The following SZT2 variants were observed in gnomAD, a reference collection of about 807,000 sequenced individuals.
SZT2 encodes SZT2 subunit of KICSTOR complex.
Under a neutral mutation model 404.2 loss-of-function variants are expected in SZT2, and 216 were observed. The observed-to-expected ratio is 0.53, with a 90% CI of 0.48 to 0.60. The LOEUF (loss-of-function observed/expected upper bound fraction) is 0.60, where lower values mean the gene tolerates loss of function less well. Ranked by LOEUF, SZT2 falls within the 20% of genes least tolerant of loss-of-function variation. The pLI, the probability that SZT2 is intolerant of heterozygous loss-of-function variation, is 0.00. For synonymous variants in SZT2, 1,693 were observed against 1,749.9 expected (o/e 0.97, Z 0.81); for missense variants, 3,857 against 4,459.2 (o/e 0.86, Z 3.85).
At position 43,420,680 on chromosome 1, in the gene SZT2, A is replaced by G; in HGVS notation, c.1262-69A>G. On this transcript the variant is annotated intron_variant, in intron 9 of 71. Coordinates refer to ENST00000634258, the MANE Select transcript of SZT2 (RefSeq NM_001365999.1). This position sits in a 1 kb window ranked among gnomAD's most constrained non-coding sequence, Gnocchi z 5.1. The stretch of plus-strand genomic sequence containing the variant: ...GTTCCATGAGGTAGGTGGGGGTTTC[A>G]GATAGAACTCGATCCCAGGCCTAGA... The G allele has an allele frequency of 6.9e-7, 1 of 1,449,144 alleles. No homozygotes were observed. Among genetic ancestry groups the G allele is most frequent in the Admixed American group, 1.8e-5 (1 of 55,164 alleles). 89.8% of individuals were successfully genotyped at this position (1,449,144 alleles called of 1,614,324 possible).
rs1361316609 is a variant in SZT2, at chr1:43,447,560, C to T, written c.9302C>T (p.Pro3101Leu). 2.5e-6 allele frequency: 4 copies of T among 1,613,956 alleles called. No individual in the cohort carries two copies. The highest frequency in any genetic ancestry group is 3.4e-6 in the Non-Finnish European group (4 of 1,180,012). Residue 3101 changes from proline to leucine, a missense_variant, in exon 67 of 72, where the codon CCC becomes CTC. Transcript: ENST00000634258. Reference sequence around the variant, plus strand: ...TATCCCTCAGGGACATTGGAGCTCCCCACACCACTCATTGCTGCCCACCAG... The same window carrying T: ...TATCCCTCAGGGACATTGGAGCTCCTCACACCACTCATTGCTGCCCACCAG... ...NHIYQGTLELPTPLIAAHQLY... is the reference protein window; with the variant it reads ...NHIYQGTLELLTPLIAAHQLY...
In SZT2 at chr1:43,452,786, T is replaced by G; in HGVS notation, c.*2306T>G. The G allele has an allele frequency of 9.2e-7, 1 of 1,087,526 alleles. No homozygotes were observed. The highest frequency in any genetic ancestry group is 1.3e-6 in the Non-Finnish European group (1 of 740,908). The allele number at this position is 1,087,526 out of a possible 1,614,324, so 67.4% of individuals were successfully genotyped here. On this transcript the variant is annotated 3_prime_UTR_variant, in exon 72 of 72. Coordinates refer to ENST00000634258, the MANE Select transcript of SZT2 (RefSeq NM_001365999.1). ...GAGCCTGTTTGGCCTCTGCAGGATT[T>G]GACATTTGAATCAGCCCCACTTTGA...
At chr1:43,406,259 T>A (rs1392623381) in intron 4 of SZT2, 2 of 331,540 alleles carry the variant, frequency 6.0e-6, no homozygotes, top group Non-Finnish European at 1.2e-5. Flanking sequence ...GGCTAATTTT[T>A]GTTTTTTTTG....
At chr1:43,422,655 A>ACCCCCCGC in intron 13 of SZT2, 23 bp downstream of exon 13, 1 of 1,095,026 alleles carries the variant, frequency 9.1e-7, no homozygotes, top group Non-Finnish European at 1.2e-6. Flanking sequence ...ATGTCCCTTC[A>ACCCCCCGC]CCCCCCGCCC....
At position 43,425,526 on chromosome 1, in the gene SZT2, T is replaced by C; in HGVS notation, c.2698T>C (p.Ser900Pro). The change falls in exon 19 of 72, where the codon TCA becomes CCA. Residue 900 changes from serine (S) to proline (P), a missense_variant. Ser to Pro is a moderately conservative substitution (Grantham distance 74). Coordinates refer to ENST00000634258, the MANE Select transcript of SZT2 (RefSeq NM_001365999.1). The surrounding 1 kb of genome is among the most constrained non-coding windows in gnomAD (Gnocchi z 4.3). ...GGAAGTGGAGGCCCTGGAGGGAGAC[T>C]CAGAGCTCAATCTGGTCACTGAGGT... ...DVEVEALEGDSELNLVTEVWV... is the reference protein window; with the variant it reads ...DVEVEALEGDPELNLVTEVWV... 1 of 1,614,162 alleles carries C rather than the reference T, an allele frequency of 6.2e-7. No homozygotes were observed. The highest frequency in any genetic ancestry group is 8.5e-7 in the Non-Finnish European group (1 of 1,180,020).
rs1251039151 is a variant in SZT2, at chr1:43,424,602, TTG to T, written c.2471+172_2471+173del. Among the ~76,000 whole-genome samples the T allele has an allele frequency of 6.6e-6, 1 of 152,158 alleles. No homozygotes were observed. ...GTCTCCTCCCATCACCCGATTTGTT[TTG>T]TCCTCTCTCATCCTCACTGGATTTG... On this transcript the variant is annotated intron_variant, in intron 16 of 71. Transcript: ENST00000634258. The surrounding 1 kb of genome is among the most constrained non-coding windows in gnomAD (Gnocchi z 4.1).
chr1:43,429,993 T>C lies in SZT2; in HGVS notation c.4309-18T>C. On this transcript the variant is annotated intron_variant, in intron 29 of 71. Coordinates refer to ENST00000634258, the MANE Select transcript of SZT2 (RefSeq NM_001365999.1). The stretch of plus-strand genomic sequence containing the variant: ...AGGGGTGACTGACATTCTAACCTCC[T>C]TCTAAACCCCACAACAGGAGAAGTT... The C allele has an allele frequency of 6.2e-7, 1 of 1,614,100 alleles. No homozygotes were observed. The highest frequency in any genetic ancestry group is 8.5e-7 in the Non-Finnish European group (1 of 1,179,998).
At position 43,421,306 on chromosome 1, in the gene SZT2, G is replaced by T; in HGVS notation, c.1626+3G>T. 3 of 1,598,306 alleles carry T rather than the reference G, an allele frequency of 1.9e-6. No homozygotes were observed. Among genetic ancestry groups the T allele is most frequent in the Non-Finnish European group, 2.5e-6 (3 of 1,179,682 alleles). ...TCCCTCCAGGCTCCACCACCCCGGTGAGTAGCTCTGAAGTATAGTAGCCCC... is the reference window on the plus strand; with the variant it reads ...TCCCTCCAGGCTCCACCACCCCGGTTAGTAGCTCTGAAGTATAGTAGCCCC... On this transcript the variant is annotated splice_donor_region_variant and intron_variant, in intron 11 of 71. Coordinates refer to ENST00000634258, the MANE Select transcript of SZT2 (RefSeq NM_001365999.1).
chr1:43,450,791 G>T lies in SZT2; in HGVS notation c.*311G>T. 1 of 709,992 alleles carries T rather than the reference G, an allele frequency of 1.4e-6. No homozygotes were observed. Among genetic ancestry groups the T allele is most frequent in the Non-Finnish European group, 2.6e-6 (1 of 383,528 alleles). 44.0% of individuals were successfully genotyped at this position (709,992 alleles called of 1,614,324 possible). A position where few individuals can be genotyped will look rare whatever the true frequency, so the allele number is the denominator to read the frequency against. Reference sequence around the variant, plus strand: ...GGTAGAGTCTCGGGAGTTCACACAGGGTGGCAAACACCCCCTAGAGCTCCT... The same window carrying T: ...GGTAGAGTCTCGGGAGTTCACACAGTGTGGCAAACACCCCCTAGAGCTCCT... On this transcript the variant is annotated 3_prime_UTR_variant, in exon 72 of 72. Transcript: ENST00000634258. The surrounding 1 kb of genome is among the most constrained non-coding windows in gnomAD (Gnocchi z 4.3).
intron 15 of SZT2, 40 bp downstream of exon 15, chr1:43,423,356 A>G (rs752985558): frequency 4.6e-6 from 7 of 1,506,496 alleles, no homozygotes; most frequent in Admixed American, 2.2e-5. Flanking sequence ...TTAGCAGGGT[A>G]TGAGTGGTAC....
Position 43,443,408 on chromosome 1 carries a change from A to G in SZT2, c.8556A>G (p.Thr2852=), listed in dbSNP as rs201027552. Residue 2852 remains threonine (T), a synonymous_variant, in exon 61 of 72, where the codon ACA becomes ACG. Transcript: ENST00000634258. ...CCCGCCTGGTGCATTACTGTGCAAC[A>G]GCCATGCTCTTCGACCCAGCTGCCT... ...QSSRLVHYCA[T]AMLFDPAAWL... is the part of the protein sequence containing the mutation. The G allele has an allele frequency of 1.2e-6, 2 of 1,614,206 alleles. No homozygotes were observed. The highest frequency in any genetic ancestry group is 3.3e-5 in the Admixed American group (2 of 60,026).
Position 43,453,428 on chromosome 1 carries a change from A to G in SZT2, c.*2948A>G. The G allele has an allele frequency of 6.4e-7, 1 of 1,562,134 alleles. No homozygotes were observed. The highest frequency in any genetic ancestry group is 1.4e-5 in the African/African-American group (1 of 73,484). On this transcript the variant is annotated 3_prime_UTR_variant, in exon 72 of 72. Transcript: ENST00000634258. ...TTTGGCATACCGCACGGCCTGCTCC[A>G]GTCCCTCTCGGAAGGCCGCCTGTCT...
rs759933909 is a variant in SZT2 at position 43,426,828 on chromosome 1, C to T, written c.3309+19C>T. The T allele has an allele frequency of 6.2e-7, 1 of 1,610,626 alleles. No individual in the cohort carries two copies. The highest frequency in any genetic ancestry group is 8.5e-7 in the Non-Finnish European group (1 of 1,177,668). On this transcript the variant is annotated intron_variant, in intron 23 of 71. Coordinates refer to ENST00000634258, the MANE Select transcript of SZT2 (RefSeq NM_001365999.1). This position sits in a 1 kb window ranked among gnomAD's most constrained non-coding sequence, Gnocchi z 4.9. ...TTCCCTGGTCAGCACCGATTCTTCT[C>T]CCTGAGCCCTTGTCACACTGACCTC...
At chr1:43,407,649 G>C (rs770394885) in intron 4 of SZT2, among the ~76,000 whole-genome samples, 3 of 151,978 alleles carry the variant, frequency 2.0e-5, no homozygotes, top group Non-Finnish European at 4.4e-5. Flanking sequence ...GCCACAGAGT[G>C]AGAACCTGTC....
chr1:43,447,779 T>C (rs1319913750), intron 67 of SZT2, 70 bp from the exon 68 acceptor site: 14 of 1,610,788 alleles, frequency 8.7e-6, no homozygotes, highest in Non-Finnish European at 1.2e-5. Flanking sequence ...ACCAATGTTT[T>C]CTTGGGCAGG....
Position 43,420,475 on chromosome 1 carries a change from C to A in SZT2, c.1261+152C>A, listed in dbSNP as rs938820650. 4.6e-5 allele frequency among the ~76,000 whole-genome samples: 7 copies of A among 152,248 alleles called. No homozygotes were observed. The highest frequency in any genetic ancestry group is 3.9e-4 in the Admixed American group (6 of 15,288). The stretch of plus-strand genomic sequence containing the variant: ...TGAATTGTCATCAGGGCTTAATTCT[C>A]TTAGCATGGAGCTTCCCAATTCTAT... On this transcript the variant is annotated intron_variant, in intron 9 of 71. Transcript: ENST00000634258. This position sits in a 1 kb window ranked among gnomAD's most constrained non-coding sequence, Gnocchi z 5.1.
In SZT2 at chr1:43,448,016, C is replaced by T; in HGVS notation, c.9563+45C>T. 1.2e-6 allele frequency: 2 copies of T among 1,612,088 alleles called. No homozygotes were observed. The highest frequency in any genetic ancestry group is 1.1e-5 in the South Asian group (1 of 91,032). Reference sequence around the variant, plus strand: ...TGAACATGCCCATTTCCCAGCCTGCCCCACCCTGCCCTGTGTGTCTCTTGC... The same window carrying T: ...TGAACATGCCCATTTCCCAGCCTGCTCCACCCTGCCCTGTGTGTCTCTTGC... On this transcript the variant is annotated intron_variant, in intron 68 of 71. Transcript: ENST00000634258. The surrounding 1 kb of genome is among the most constrained non-coding windows in gnomAD (Gnocchi z 4.2).
rs768416733 is a variant in SZT2, at chr1:43,431,357, C to T, written c.5009C>T (p.Pro1670Leu). The change falls in exon 34 of 72, where the codon CCC (proline) becomes CTC (leucine). Residue 1670 changes from proline (P) to leucine (L), a missense_variant. Around this residue, in one of 7 missense-constraint regions of SZT2, gnomAD observed 1,725 missense variants for 1,881.0 expected, o/e 0.92. Transcript: ENST00000634258. The part of the protein sequence containing the change: ...SDDGLGPPLP[P>L]PEEERHPGLS... ...GATGGCCTCGGGCCCCCACTGCCAC[C>T]CCCAGAAGAGGAGAGGTACTTCTTT... 5 of 1,612,308 alleles carry T rather than the reference C, an allele frequency of 3.1e-6. No homozygotes were observed. The highest frequency in any genetic ancestry group is 3.4e-6 in the Non-Finnish European group (4 of 1,178,570).
chr1:43,441,976 T>C lies in SZT2; in HGVS notation c.7743-24T>C, dbSNP rs1355096704. The C allele has an allele frequency of 1.9e-6, 3 of 1,603,348 alleles. No individual in the cohort carries two copies. The highest frequency in any genetic ancestry group is 2.6e-6 in the Non-Finnish European group (3 of 1,173,114). On this transcript the variant is annotated intron_variant, in intron 55 of 71. Coordinates refer to ENST00000634258, the MANE Select transcript of SZT2 (RefSeq NM_001365999.1). This position sits in a 1 kb window ranked among gnomAD's most constrained non-coding sequence, Gnocchi z 4.8. The stretch of plus-strand genomic sequence containing the variant: ...AGGGAGTGGTGTCATGGATGGCCTT[T>C]CTGTCTGTCCTCCCTTTCAATAGGG...
Sources: gnomAD v4.1 joint callset for allele counts (sites outside exome capture counted in the v4.1 genomes callset) on GRCh38, gnomAD v4.1.1 for gene constraint, gnomAD v4.1.1 regional missense constraint, Gnocchi (gnomAD v3.1) non-coding constraint, MANE v1.5 for transcripts, NCBI Gene and HGNC (gene_info 2026-07-23, HGNC 2026-07-21) for gene names.